The following PREX1 variants were observed in gnomAD, a reference collection of about 807,000 sequenced individuals.
PREX1 encodes phosphatidylinositol-3,4,5-trisphosphate dependent Rac exchange factor 1, also known as phosphatidylinositol 3,4,5-trisphosphate-dependent Rac exchanger 1 protein.
PREX1 carries 41 observed loss-of-function variants against 198.3 expected under a neutral mutation model. The ratio of observed to expected loss-of-function variants is 0.21; its 90% CI spans 0.16 to 0.27. The LOEUF (loss-of-function observed/expected upper bound fraction) is 0.27. Ranked by LOEUF, PREX1 falls within the 10% of genes least tolerant of loss-of-function variation. PREX1 has a pLI of 1.00. For missense variants in PREX1, 1,620 were observed against 2,200.7 expected (o/e 0.74, Z 5.28); for synonymous variants, 843 against 887.2 (o/e 0.95, Z 0.89).
intron 31 of PREX1, among the ~76,000 whole-genome samples, chr20:48,637,219 A>G (rs536263718): frequency 3.2e-4 from 48 of 152,358 alleles, no homozygotes; most frequent in South Asian, 2.5e-3. Context: ...CAGGGTCCCA[A>G]TCTTCTGGAA....
chr20:48,728,591 A>G (rs1247676473), intron 4 of PREX1, among the ~76,000 whole-genome samples: 1 of 152,156 alleles, frequency 6.6e-6, no homozygotes, highest in Non-Finnish European at 1.5e-5. Context: ...CGCTGCTCAC[A>G]CTCAGGCCTT....
At chr20:48,656,586 A>C in intron 18 of PREX1, 1 of 456,012 alleles carries the variant, frequency 2.2e-6, no homozygotes, top group Non-Finnish European at 4.4e-6. Flanking sequence ...CTTCCTCCAG[A>C]AATCCCCTTG....
In PREX1 at chr20:48,731,456, C is replaced by T. The variant is rs563223699; in HGVS notation, c.519+3090G>A. 8.0e-4 allele frequency among the ~76,000 whole-genome samples: 122 copies of T among 152,318 alleles called. 1 individual carries two copies. The highest frequency in any genetic ancestry group is 6.8e-3 in the Middle Eastern group (2 of 294). On this transcript the variant is annotated intron_variant, in intron 4 of 39. Coordinates refer to ENST00000371941, the MANE Select transcript of PREX1 (RefSeq NM_020820.4). ...AGGACTTTTCTTGCCTTGTTCATGT[C>T]GGATCTTTAGCCCGTAGAATGATCC... is the stretch of plus-strand genomic sequence containing the variant.
At position 48,753,550 on chromosome 20, in the gene PREX1, G is replaced by A. The variant is rs143764616; in HGVS notation, c.220-5670C>T. 3.8e-3 allele frequency among the ~76,000 whole-genome samples: 577 copies of A among 152,230 alleles called. 4 individuals are homozygous for A. The highest frequency in any genetic ancestry group is 5.9e-3 in the Non-Finnish European group (402 of 67,982). Reference sequence around the variant, plus strand: ...CAACCCCACAAAGACACAGCTGACCGCAAACAACAGTGACAAGGTCAAGAA... The same window carrying A: ...CAACCCCACAAAGACACAGCTGACCACAAACAACAGTGACAAGGTCAAGAA... On this transcript the variant is annotated intron_variant, in intron 1 of 39. Transcript: ENST00000371941.
intron 29 of PREX1, 59 bp from the exon 30 acceptor site, chr20:48,639,953 G>A (rs2089396315): frequency 6.4e-7 from 1 of 1,572,484 alleles, no homozygotes; most frequent in African/African-American, 1.4e-5. Context: ...TTGGAGAACG[G>A]TGGCACAAAG....
chr20:48,661,444 A>AAAAAAAAAATATATATATATAT (rs1555832820), intron 15 of PREX1, among the ~76,000 whole-genome samples: 1 of 49,600 alleles, frequency 2.0e-5, no homozygotes, highest in Non-Finnish European at 3.1e-5. Context: ...AAAAAAAAAA[A>AAAAAAAAAATATATATATATAT]ATATATATAT....
At chr20:48,837,325 T>C in the PREX1 span, among the ~76,000 whole-genome samples, 1 of 152,228 alleles carries the variant, frequency 6.6e-6, no homozygotes, top group Non-Finnish European at 1.5e-5. Context: ...TACTGGGTAC[T>C]ACCCAAAGGA....
chr20:48,803,318 T>C (rs147096805), intron 1 of PREX1, among the ~76,000 whole-genome samples: 1 of 151,036 alleles, frequency 6.6e-6, no homozygotes, highest in East Asian at 2.0e-4. Context: ...AGACCCAAAA[T>C]AGGATCCAAG....
chr20:48,853,006 A>C, the PREX1 span, among the ~76,000 whole-genome samples: 1 of 152,190 alleles, frequency 6.6e-6, no homozygotes, highest in Non-Finnish European at 1.5e-5. Context: ...TCACTTGTAA[A>C]TGCACAGAAT....
rs113101370 is a variant in PREX1 at position 48,724,652 on chromosome 20, A to G, written c.621+1638T>C. Among the ~76,000 whole-genome samples the G allele has an allele frequency of 3.8e-3, 573 of 152,366 alleles. 4 individuals carry two copies. The highest frequency in any genetic ancestry group is 0.012 in the African/African-American group (509 of 41,590). On this transcript the variant is annotated intron_variant, in intron 5 of 39. Coordinates refer to ENST00000371941, the MANE Select transcript of PREX1 (RefSeq NM_020820.4). The stretch of plus-strand genomic sequence containing the variant: ...AAAAAAAAGAGTAAACATCATTCTT[A>G]GCTCATAGGCTGTATAAAAACAGGC...
chr20:48,803,276 C>T (rs1392074323), intron 1 of PREX1, among the ~76,000 whole-genome samples: 1 of 152,130 alleles, frequency 6.6e-6, no homozygotes, highest in Non-Finnish European at 1.5e-5. Flanking sequence ...CACTGAGGCC[C>T]ATCCAGGGAC....
chr20:48,754,450 T>C (rs2090148082), intron 1 of PREX1, among the ~76,000 whole-genome samples: 1 of 152,084 alleles, frequency 6.6e-6, no homozygotes, highest in Non-Finnish European at 1.5e-5. Flanking sequence ...GGGGTGCCCC[T>C]GGGGAGCTGC....
At chr20:48,773,678 C>A (rs2090247734) in intron 1 of PREX1, among the ~76,000 whole-genome samples, 1 of 152,078 alleles carries the variant, frequency 6.6e-6, no homozygotes, top group South Asian at 2.1e-4. Flanking sequence ...TGAGAGAGGG[C>A]GAGGTGAGAG....
At chr20:48,879,336 T>C in the PREX1 span, among the ~76,000 whole-genome samples, 33 of 152,236 alleles carry the variant, frequency 2.2e-4, no homozygotes, top group Admixed American at 1.4e-3. Flanking sequence ...TTTAAACTTA[T>C]CTATAATCAA....
At chr20:48,747,191 C>T (rs952857056) in intron 2 of PREX1, among the ~76,000 whole-genome samples, 1 of 152,200 alleles carries the variant, frequency 6.6e-6, no homozygotes, top group African/African-American at 2.4e-5. Flanking sequence ...GCTGTAAATA[C>T]TGGGCACCTT....
intron 1 of PREX1, among the ~76,000 whole-genome samples, chr20:48,816,966 C>T (rs926903866): frequency 2.0e-5 from 3 of 152,172 alleles, no homozygotes; most frequent in Admixed American, 6.5e-5. Context: ...ATAACTAATA[C>T]GCCATCTCTG....
chr20:48,711,221 C>G (rs1287484901), intron 5 of PREX1, among the ~76,000 whole-genome samples: 1 of 152,208 alleles, frequency 6.6e-6, no homozygotes, highest in East Asian at 1.9e-4. Context: ...TCCAGTGTAC[C>G]TGGCCCCATG....
intron 2 of PREX1, 91 bp from the exon 3 acceptor site, chr20:48,745,238 G>T: frequency 7.2e-7 from 1 of 1,388,874 alleles, no homozygotes; most frequent in Non-Finnish European, 9.7e-7. Flanking sequence ...CGGTGCGGGT[G>T]ACATTGTAGT....
At position 48,726,277 on chromosome 20, in the gene PREX1, G is replaced by C. The variant is rs12480096; in HGVS notation, c.621+13C>G. 1.2e-6 allele frequency: 2 copies of C among 1,602,630 alleles called. No homozygotes were observed. On this transcript the variant is annotated intron_variant, in intron 5 of 39. Coordinates refer to ENST00000371941, the MANE Select transcript of PREX1 (RefSeq NM_020820.4). ...AAGAGTTTTCTGTCACTTCAAATAC[G>C]GGAAAGTCTCACCTTAAGGAGGAGC... is the stretch of plus-strand genomic sequence containing the variant.
Sources: gnomAD v4.1 joint callset for allele counts (sites outside exome capture counted in the v4.1 genomes callset) on GRCh38, gnomAD v4.1.1 for gene constraint, MANE v1.5 for transcripts, NCBI Gene and HGNC (gene_info 2026-07-23, HGNC 2026-07-21) for gene names.